Variants in ARHGEF4 observed in about 807,000 individuals in gnomAD.
The protein encoded by ARHGEF4 is Rho guanine nucleotide exchange factor 4, also known as APC-stimulated guanine nucleotide exchange factor 1.
A neutral mutation model predicts 162.0 loss-of-function variants in ARHGEF4; 119 were observed. The ratio of observed to expected loss-of-function variants is 0.73; its 90% CI spans 0.63 to 0.86. The LOEUF is 0.86. Among genes scored for constraint, ARHGEF4 ranks in the 40% least tolerant of loss-of-function variants. The pLI, the probability that ARHGEF4 is intolerant of heterozygous loss-of-function variation, is 0.00. For synonymous variants in ARHGEF4, 1,014 were observed against 979.9 expected (o/e 1.03, Z -0.65); for missense variants, 2,488 against 2,456.0 (o/e 1.01, Z -0.28).
intron 4 of ARHGEF4, among the ~76,000 whole-genome samples, chr2:131,009,645 T>C (rs375667283): frequency 2.0e-5 from 3 of 152,322 alleles, no homozygotes; most frequent in Admixed American, 6.5e-5. Context: ...ATTCAGTAAA[T>C]ATTTTTATTT....
intron 3 of ARHGEF4, among the ~76,000 whole-genome samples, chr2:130,931,463 C>T (rs1682629106): frequency 6.6e-6 from 1 of 152,136 alleles, no homozygotes; most frequent in East Asian, 1.9e-4. Context: ...CAGTGCATTC[C>T]CCAGAGCCAC....
At chr2:130,864,126 C>T (rs1682085834) in intron 1 of ARHGEF4, among the ~76,000 whole-genome samples, 2 of 151,400 alleles carry the variant, frequency 1.3e-5, no homozygotes, top group East Asian at 3.9e-4. Context: ...GCGGAGCTTG[C>T]AGTGAGCCGA....
chr2:131,046,294 C>T lies in ARHGEF4; in HGVS notation c.*105C>T, dbSNP rs1163989977. On this transcript the variant is annotated 3_prime_UTR_variant, in exon 14 of 14. Coordinates refer to ENST00000409359, the MANE Select transcript of ARHGEF4 (RefSeq NM_001367493.1). ...TGGCCTTCCTCTGCCTGCAAGTGAG[C>T]AGGGATGGGCTGGGGAGTTGCTTGT... 3 of 1,216,350 alleles carry T rather than the reference C, an allele frequency of 2.5e-6. No homozygotes were observed. In the East Asian group the frequency reaches 7.7e-5, roughly 31 times the overall value. 75.3% of individuals were successfully genotyped at this position (1,216,350 alleles called of 1,614,324 possible). A position where few individuals can be genotyped will look rare whatever the true frequency, so the allele number is the denominator to read the frequency against.
Position 130,916,685 on chromosome 2 carries a change from T to C in ARHGEF4, c.2739T>C (p.His913=), listed in dbSNP as rs1277690727. Residue 913 remains histidine, a synonymous_variant, in exon 2 of 14, where the codon CAT becomes CAC. Transcript: ENST00000409359. ...TCAGGGCAAGGTTGGCCTTGGCTCA[T>C]AAGACCTTTTCAAACTTTATTGAGT... The part of the protein sequence containing the change: ...KKLRARLALA[H]KTFSNFIESI... 6.4e-7 allele frequency: 1 copy of C among 1,550,600 alleles called. No homozygotes were observed. The highest frequency in any genetic ancestry group is 8.7e-7 in the Non-Finnish European group (1 of 1,146,988).
intron 3 of ARHGEF4, among the ~76,000 whole-genome samples, chr2:130,941,843 A>G (rs1683321815): frequency 6.6e-6 from 1 of 152,214 alleles, no homozygotes; most frequent in African/African-American, 2.4e-5. Context: ...AAATCCATGT[A>G]TAAGTAAACC....
At chr2:130,847,268 A>C (rs1681048037) in intron 1 of ARHGEF4, among the ~76,000 whole-genome samples, 2 of 152,302 alleles carry the variant, frequency 1.3e-5, no homozygotes, top group South Asian at 4.1e-4. Context: ...GGGTGATATT[A>C]GTGACCAGGG....
chr2:130,973,512 A>G (rs998218216), intron 4 of ARHGEF4, among the ~76,000 whole-genome samples: 1 of 152,174 alleles, frequency 6.6e-6, no homozygotes, highest in Non-Finnish European at 1.5e-5. Context: ...AATAAATAAA[A>G]TAAATGAAAT....
At chr2:130,870,289 G>A (rs2104929673) in intron 1 of ARHGEF4, among the ~76,000 whole-genome samples, 1 of 152,304 alleles carries the variant, frequency 6.6e-6, no homozygotes, top group African/African-American at 2.4e-5. Flanking sequence ...AGCAGGGTAG[G>A]CCCTTTGGTA....
chr2:130,900,196 A>C (rs1024829064), intron 1 of ARHGEF4, among the ~76,000 whole-genome samples: 1 of 152,148 alleles, frequency 6.6e-6, no homozygotes, highest in Non-Finnish European at 1.5e-5. Context: ...TATTCTGCTG[A>C]TGTTGAGTGG....
intron 4 of ARHGEF4, among the ~76,000 whole-genome samples, chr2:130,976,181 C>A (rs750052343): frequency 3.3e-5 from 5 of 152,094 alleles, no homozygotes; most frequent in Non-Finnish European, 7.3e-5. Context: ...TGGAACATCC[C>A]AGGGTGTGTG....
chr2:130,975,698 G>A (rs569226020), intron 4 of ARHGEF4, among the ~76,000 whole-genome samples: 22 of 152,298 alleles, frequency 1.4e-4, no homozygotes, highest in African/African-American at 3.6e-4. Context: ...TGGAAGAACT[G>A]TAATGGCTTC....
At chr2:131,017,098 G>A (rs1338892870) in intron 4 of ARHGEF4, among the ~76,000 whole-genome samples, 2 of 152,310 alleles carry the variant, frequency 1.3e-5, no homozygotes, top group East Asian at 3.9e-4. Context: ...AATCAAGACT[G>A]GCCTTTGTGT....
chr2:130,911,203 A>C (rs1681162418), intron 1 of ARHGEF4, among the ~76,000 whole-genome samples: 1 of 152,208 alleles, frequency 6.6e-6, no homozygotes, highest in Non-Finnish European at 1.5e-5. Context: ...GGTAGTCAGC[A>C]GTTCACCCTG....
intron 4 of ARHGEF4, among the ~76,000 whole-genome samples, chr2:130,987,294 G>A (rs576881089): frequency 1.3e-5 from 2 of 152,334 alleles, no homozygotes; most frequent in Admixed American, 1.3e-4. Flanking sequence ...TTCTCCCTGG[G>A]GTCCTGGTGT....
Position 130,975,436 on chromosome 2 carries a change from C to T in ARHGEF4, c.3985+28801C>T, listed in dbSNP as rs1439932567. On this transcript the variant is annotated intron_variant, in intron 4 of 13. Coordinates refer to ENST00000409359, the MANE Select transcript of ARHGEF4 (RefSeq NM_001367493.1). Reference sequence around the variant, plus strand: ...TCTGCTGGGCTCTAACCTGCTGAGCCACTGGGCCCCTACCTTAGTCATCCC... The same window carrying T: ...TCTGCTGGGCTCTAACCTGCTGAGCTACTGGGCCCCTACCTTAGTCATCCC... Among the ~76,000 whole-genome samples, 6 of 152,232 alleles carry T rather than the reference C, an allele frequency of 3.9e-5. 1 individual carries two copies. The East Asian group carries it at 1.2e-3, about 29-fold the overall frequency.
At chr2:131,024,456 T>C (rs2105361246) in intron 4 of ARHGEF4, among the ~76,000 whole-genome samples, 1 of 152,246 alleles carries the variant, frequency 6.6e-6, no homozygotes, top group South Asian at 2.1e-4. Context: ...TCTGTATTTT[T>C]AGTAGAGACA....
At chr2:130,921,336 A>G (rs993491277) in intron 2 of ARHGEF4, among the ~76,000 whole-genome samples, 2 of 152,050 alleles carry the variant, frequency 1.3e-5, no homozygotes, top group African/African-American at 4.8e-5. Context: ...TCATCATAAC[A>G]CATTGTATTT....
rs788192 is a variant in ARHGEF4, at chr2:130,864,119, G to A, written c.39+27127G>A. ...AAGAATGGTGTGAACCCGGGAGGCG[G>A]AGCTTGCAGTGAGCCGAGATTGCAC... On this transcript the variant is annotated intron_variant, in intron 1 of 13. Coordinates refer to ENST00000409359, the MANE Select transcript of ARHGEF4 (RefSeq NM_001367493.1). Among the ~76,000 whole-genome samples the A allele has an allele frequency of 7.4e-4, 112 of 151,946 alleles. No individual in the cohort carries two copies. The South Asian group carries it at 0.014, about 19-fold the overall frequency.
intron 1 of ARHGEF4, among the ~76,000 whole-genome samples, chr2:130,891,220 A>G (rs1278812352): frequency 2.0e-5 from 3 of 152,232 alleles, no homozygotes; most frequent in Admixed American, 1.3e-4. Flanking sequence ...GACAAGATTA[A>G]GCAGATATTT....
Sources: gnomAD v4.1 joint callset for allele counts (sites outside exome capture counted in the v4.1 genomes callset) on GRCh38, gnomAD v4.1.1 for gene constraint, MANE v1.5 for transcripts, NCBI Gene and HGNC (gene_info 2026-07-23, HGNC 2026-07-21) for gene names.